ATG3: variants seen among roughly 807,000 people sequenced by gnomAD.
ATG3 encodes the protein autophagy related 3.
ATG3 carries 25 observed loss-of-function variants against 50.7 expected under a neutral mutation model. The observed-to-expected ratio is 0.49, with a 90% CI of 0.36 to 0.69. The LOEUF (loss-of-function observed/expected upper bound fraction) is 0.69, where lower values mean the gene tolerates loss of function less well. ATG3 is among the 30% of genes least tolerant of loss of function. ATG3 has a pLI of 0.00. For missense variants in ATG3, 281 were observed against 376.0 expected, an observed-to-expected ratio of 0.75 and a Z score of 2.09; for synonymous variants, 119 against 125.5, an observed-to-expected ratio of 0.95 and a Z score of 0.34.
intron 7 of ATG3, among the ~76,000 whole-genome samples, chr3:112,540,121 G>A (rs1039618469): frequency 3.9e-5 from 6 of 152,210 alleles, no homozygotes; most frequent in African/African-American, 1.4e-4. Flanking sequence ...ATGTGAGGCT[G>A]CTGTGATCAA....
intron 11 of ATG3, chr3:112,533,263 A>C (rs2082569267): frequency 1.0e-6 from 1 of 984,720 alleles, no homozygotes; most frequent in Admixed American, 6.1e-5. Context: ...GACTGTCTTT[A>C]ATTAAATTCT....
chr3:112,541,717 C>A, intron 7 of ATG3, 86 bp downstream of exon 7: 2 of 1,195,608 alleles, frequency 1.7e-6, no homozygotes, highest in Non-Finnish European at 2.4e-6. Context: ...ACTTACAACT[C>A]AATGAAGAAT....
rs1212249135 is a variant in ATG3 at position 112,534,311 on chromosome 3, A to G, written c.821T>C (p.Ile274Thr). Residue 274 changes from isoleucine (I) to threonine (T), a missense_variant, in exon 11 of 12, where the codon ATT becomes ACT. This residue lies in a region of ATG3 where 242 missense variants were observed against 305.0 expected (regional missense o/e 0.79). Transcript: ENST00000283290. Reference sequence around the variant, plus strand: ...TCCCCCTCCTTCTGCAACAGTCTCAATGATTTTCTTCATCACCTCAGCATG... The same window carrying G: ...TCCCCCTCCTTCTGCAACAGTCTCAGTGATTTTCTTCATCACCTCAGCATG... ...CRHAEVMKKI[I>T]ETVAEGGGEL... 12 of 1,590,582 alleles carry G rather than the reference A, an allele frequency of 7.5e-6. No individual in the cohort carries two copies. The highest frequency in any genetic ancestry group is 1.0e-5 in the Non-Finnish European group (12 of 1,169,848).
At chr3:112,558,813 G>A (rs201219149) in intron 1 of ATG3, among the ~76,000 whole-genome samples, 5 of 151,264 alleles carry the variant, frequency 3.3e-5, no homozygotes, top group South Asian at 2.1e-4. Context: ...CTTGGCTCAC[G>A]GCAACCTCCA....
chr3:112,550,107 A>C (rs1225833167), intron 4 of ATG3, 85 bp downstream of exon 4: 5 of 991,500 alleles, frequency 5.0e-6, no homozygotes, highest in Non-Finnish European at 7.5e-6. Flanking sequence ...CTAAGGAAAA[A>C]ATTTTCAAGC....
intron 6 of ATG3, 159 bp downstream of exon 6, chr3:112,543,898 T>C (rs1933297986): frequency 6.0e-6 from 3 of 498,356 alleles, no homozygotes; most frequent in Non-Finnish European, 7.1e-6. Flanking sequence ...GACAGAAAAA[T>C]GAATGGGGAA....
chr3:112,556,513 G>C (rs1484775104), intron 2 of ATG3, among the ~76,000 whole-genome samples: 1 of 152,094 alleles, frequency 6.6e-6, no homozygotes, highest in Non-Finnish European at 1.5e-5. Context: ...CCACCACCCC[G>C]TCTGGGAGGT....
intron 7 of ATG3, chr3:112,538,419 CCACAGTG>C: frequency 2.3e-6 from 1 of 427,350 alleles, no homozygotes; most frequent in Non-Finnish European, 4.2e-6. Flanking sequence ...CTCAGTGGCT[CCACAGTG>C]TACACAAGCC....
At chr3:112,560,563 A>C (rs1333430774) in intron 1 of ATG3, among the ~76,000 whole-genome samples, 1 of 152,184 alleles carries the variant, frequency 6.6e-6, no homozygotes. Context: ...ATTCTAACTG[A>C]AAGCTTAAAA....
intron 4 of ATG3, among the ~76,000 whole-genome samples, chr3:112,549,721 CG>C (rs1172604342): frequency 6.1e-5 from 9 of 148,290 alleles, no homozygotes; most frequent in African/African-American, 2.2e-4. Context: ...GCAGGAGAAT[CG>C]CTTGAACCTG....
At chr3:112,539,848 C>T (rs1933180385) in intron 7 of ATG3, among the ~76,000 whole-genome samples, 1 of 152,142 alleles carries the variant, frequency 6.6e-6, no homozygotes, top group South Asian at 2.1e-4. Context: ...TACTAAATGA[C>T]TATCAGATAT....
chr3:112,559,634 T>C (rs755051212), intron 1 of ATG3, among the ~76,000 whole-genome samples: 1 of 152,194 alleles, frequency 6.6e-6, no homozygotes, highest in Non-Finnish European at 1.5e-5. Flanking sequence ...GAAAGGAACA[T>C]GCCATAAGGC....
chr3:112,554,962 T>TC (rs1933625491), intron 2 of ATG3, among the ~76,000 whole-genome samples: 1 of 152,184 alleles, frequency 6.6e-6, no homozygotes, highest in Non-Finnish European at 1.5e-5. Flanking sequence ...AATAGTCTCT[T>TC]CCCCAAATTT....
In ATG3 at chr3:112,544,656, G is replaced by C. The variant is rs537363330; in HGVS notation, c.344-550C>G. On this transcript the variant is annotated intron_variant, in intron 5 of 11. Transcript: ENST00000283290. ...GCGACAAGAGCGAAACTCCGTCTCA[G>C]GGAAAAAAAAAAAAGGAAAGACAAG... is the stretch of plus-strand genomic sequence containing the variant. 0.03 allele frequency among the ~76,000 whole-genome samples: 22 copies of C among 738 alleles called. No individual in the cohort carries two copies. In the East Asian group the frequency reaches 0.38, roughly 13 times the overall value. The allele number at this position is 738 out of a possible 152,430, so 0.5% of individuals were successfully genotyped here. A position where few individuals can be genotyped will look rare whatever the true frequency, so the allele number is the denominator to read the frequency against.
intron 2 of ATG3, among the ~76,000 whole-genome samples, chr3:112,554,541 A>G (rs1001007016): frequency 2.6e-5 from 4 of 152,242 alleles, no homozygotes; most frequent in African/African-American, 9.6e-5. Context: ...TTTCGGACTC[A>G]GCCCGCCTGC....
intron 3 of ATG3, among the ~76,000 whole-genome samples, chr3:112,552,016 G>GT (rs1933542136): frequency 2.0e-5 from 3 of 152,132 alleles, no homozygotes; most frequent in Admixed American, 1.3e-4. Flanking sequence ...CAGCGACACG[G>GT]TAAGTATTAA....
At chr3:112,540,774 G>A (rs1933204190) in intron 7 of ATG3, among the ~76,000 whole-genome samples, 1 of 152,040 alleles carries the variant, frequency 6.6e-6, no homozygotes, top group South Asian at 2.1e-4. Flanking sequence ...AAAAAAAGAG[G>A]AAGATATGGT....
chr3:112,533,590 C>A (rs2082571394), intron 11 of ATG3: 1 of 985,204 alleles, frequency 1.0e-6, no homozygotes, highest in Non-Finnish European at 1.2e-6. Context: ...GAAACCACCA[C>A]CAAGTCAAGT....
At chr3:112,546,633 G>A (rs1576721160) in intron 5 of ATG3, among the ~76,000 whole-genome samples, 1 of 152,112 alleles carries the variant, frequency 6.6e-6, no homozygotes, top group African/African-American at 2.4e-5. Flanking sequence ...AAAACGCCCA[G>A]GAAAAGCAAG....
Sources: allele counts gnomAD v4.1 joint callset (sites outside exome capture counted in the v4.1 genomes callset), GRCh38; gene constraint gnomAD v4.1.1; regional missense constraint gnomAD v4.1.1; transcripts MANE v1.5; gene names NCBI Gene and HGNC (gene_info 2026-07-23, HGNC 2026-07-21).